Variants in HYDIN observed in about 807,000 individuals in gnomAD.
HYDIN encodes HYDIN axonemal central pair apparatus protein.
A neutral mutation model predicts 403.9 loss-of-function variants in HYDIN; 132 were observed. The ratio of observed to expected loss-of-function variants is 0.33; its 90% CI spans 0.28 to 0.38. HYDIN has a LOEUF of 0.38. Among genes scored for constraint, HYDIN ranks in the 10% least tolerant of loss-of-function variants. The pLI is 1.00. For missense variants in HYDIN, 2,827 were observed against 5,009.5 expected, an observed-to-expected ratio of 0.56 and a Z score of 13.15; for synonymous variants, 1,202 against 1,891.7, an observed-to-expected ratio of 0.64 and a Z score of 9.46.
At chr16:71,226,469 C>T (rs1409048246) in intron 1 of HYDIN, among the ~76,000 whole-genome samples, 1 of 152,098 alleles carries the variant, frequency 6.6e-6, no homozygotes, top group Non-Finnish European at 1.5e-5. Context: ...AAACCCAAAG[C>T]TATGAAAGTC....
At chr16:70,916,239 T>C (rs1197636532) in intron 47 of HYDIN, among the ~76,000 whole-genome samples, 2 of 152,252 alleles carry the variant, frequency 1.3e-5, no homozygotes, top group African/African-American at 4.8e-5. Flanking sequence ...CCTGGGCCTC[T>C]GGCTGTCCTC....
At chr16:71,136,753 C>T (rs3114632) in intron 8 of HYDIN, among the ~76,000 whole-genome samples, 1 of 134,598 alleles carries the variant, frequency 7.4e-6, no homozygotes, top group Non-Finnish European at 1.5e-5. Context: ...GGCGACAGTA[C>T]GAGACTCCAT....
At chr16:71,186,319 C>T (rs1171952910) in intron 2 of HYDIN, among the ~76,000 whole-genome samples, 1 of 151,992 alleles carries the variant, frequency 6.6e-6, no homozygotes, top group African/African-American at 2.4e-5. Flanking sequence ...ACCTATTTTT[C>T]TTAAATACCA....
intron 18 of HYDIN, among the ~76,000 whole-genome samples, chr16:71,052,284 G>C (rs1186200206): frequency 3.3e-5 from 5 of 151,726 alleles, no homozygotes; most frequent in Non-Finnish European, 7.4e-5. Context: ...AGTAAGGGTA[G>C]TGACACTGAG....
intron 10 of HYDIN, among the ~76,000 whole-genome samples, chr16:71,108,092 C>G (rs1287951775): frequency 6.6e-6 from 1 of 152,148 alleles, no homozygotes; most frequent in Non-Finnish European, 1.5e-5. Context: ...ACTGCATATT[C>G]TCACTTATAA....
intron 47 of HYDIN, among the ~76,000 whole-genome samples, chr16:70,910,309 T>C (rs1425662798): frequency 6.6e-6 from 1 of 152,110 alleles, no homozygotes; most frequent in Non-Finnish European, 1.5e-5. Context: ...ATAGCTTGGC[T>C]ACCACATATC....
chr16:71,211,144 A>C (rs1004855739), intron 1 of HYDIN, among the ~76,000 whole-genome samples: 2 of 152,144 alleles, frequency 1.3e-5, no homozygotes, highest in African/African-American at 4.8e-5. Context: ...CATCTCTAGC[A>C]AGTCATAAAA....
chr16:71,135,727 C>A (rs1329688582), intron 8 of HYDIN, among the ~76,000 whole-genome samples: 1 of 151,792 alleles, frequency 6.6e-6, no homozygotes, highest in African/African-American at 2.4e-5. Flanking sequence ...TTCCTTGTGC[C>A]TTTTAAAACC....
intron 41 of HYDIN, among the ~76,000 whole-genome samples, chr16:70,949,023 G>T (rs1269000137): frequency 2.0e-5 from 3 of 150,674 alleles, no homozygotes; most frequent in East Asian, 3.9e-4. Flanking sequence ...GTTTATTGCG[G>T]CACTACTCAC....
chr16:71,081,725 A>G (rs1158819787), intron 12 of HYDIN, among the ~76,000 whole-genome samples: 9 of 149,834 alleles, frequency 6.0e-5, no homozygotes, highest in Non-Finnish European at 8.9e-5. Context: ...TCAGAATGTT[A>G]GGACAATCTA....
At chr16:71,086,380 C>CTA (rs1188871204) in intron 12 of HYDIN, among the ~76,000 whole-genome samples, 1 of 150,680 alleles carries the variant, frequency 6.6e-6, no homozygotes, top group East Asian at 2.0e-4. Context: ...AAAGGGGTAG[C>CTA]TATGTATGTT....
intron 49 of HYDIN, among the ~76,000 whole-genome samples, chr16:70,907,853 C>T (rs1210816763): frequency 6.7e-6 from 1 of 149,446 alleles, no homozygotes; most frequent in Admixed American, 6.6e-5. Flanking sequence ...AGTTGCTCAG[C>T]CAGGTGCTTT....
intron 1 of HYDIN, among the ~76,000 whole-genome samples, chr16:71,228,679 G>A (rs1422648351): frequency 1.3e-5 from 2 of 152,214 alleles, no homozygotes; most frequent in Non-Finnish European, 2.9e-5. Context: ...AGGACGTGGA[G>A]AAATAGGAAC....
chr16:71,230,670 G>A lies in HYDIN; in HGVS notation c.-132C>T. 1.3e-6 allele frequency: 2 copies of A among 1,536,036 alleles called. No homozygotes were observed. Among genetic ancestry groups the A allele is most frequent in the Middle Eastern group, 1.7e-4 (1 of 5,990 alleles). On this transcript the variant is annotated 5_prime_UTR_variant, in exon 1 of 86. Coordinates refer to ENST00000393567, the MANE Select transcript of HYDIN (RefSeq NM_001270974.2). ...TGAGGGGCTCCATACCCAGCTTGAA[G>A]CCGCCCGCACTCTCCATGCGCCGCC...
intron 23 of HYDIN, among the ~76,000 whole-genome samples, chr16:70,992,720 A>G (rs367902657): frequency 3.3e-5 from 5 of 152,020 alleles, no homozygotes; most frequent in African/African-American, 1.2e-4. Context: ...GCCTCCTACA[A>G]TGTGACCTCA....
At chr16:71,203,672 C>A in intron 1 of HYDIN, 1 of 450,934 alleles carries the variant, frequency 2.2e-6, no homozygotes, top group Non-Finnish European at 4.5e-6. Context: ...TAATTCCATA[C>A]ACAAATTATT....
intron 41 of HYDIN, among the ~76,000 whole-genome samples, chr16:70,949,744 G>A (rs1271203580): frequency 7.2e-5 from 11 of 152,328 alleles, no homozygotes; most frequent in African/African-American, 2.4e-4. Context: ...TCACACTGGG[G>A]CAGTGCAGGC....
In HYDIN at chr16:70,833,058, C is replaced by T. The variant is rs2037124420; in HGVS notation, c.13689G>A (p.Trp4563Ter). 6.2e-7 allele frequency: 1 copy of T among 1,610,494 alleles called. No homozygotes were observed. The highest frequency in any genetic ancestry group is 8.5e-7 in the Non-Finnish European group (1 of 1,178,668). ...AATGAGGCTCAAATTTTTTGATGTC[C>T]CATTTAAACCTTTTCCAAGAAAAAG... ...NTGDVGARFK[W>*]DIKKFEPHFS... The change falls in exon 80 of 86, where the codon TGG becomes TGA. Residue 4563 changes from tryptophan to a stop codon, truncating the protein, a stop_gained. Coordinates refer to ENST00000393567, the MANE Select transcript of HYDIN (RefSeq NM_001270974.2). LOFTEE classifies it high-confidence loss of function.
At chr16:71,049,713 G>A (rs1470736353) in intron 18 of HYDIN, among the ~76,000 whole-genome samples, 2 of 148,678 alleles carry the variant, frequency 1.3e-5, no homozygotes, top group Non-Finnish European at 3.0e-5. Flanking sequence ...TACAGAATAG[G>A]AGAATATACA....
Sources: gnomAD v4.1 joint callset for allele counts (sites outside exome capture counted in the v4.1 genomes callset) on GRCh38, gnomAD v4.1.1 for gene constraint, MANE v1.5 for transcripts, NCBI Gene and HGNC (gene_info 2026-07-23, HGNC 2026-07-21) for gene names.